CCDC127: variants seen among roughly 807,000 people sequenced by gnomAD.
CCDC127 encodes coiled-coil domain containing 127.
A neutral mutation model predicts 4.1 loss-of-function variants in CCDC127; 2 were observed. The ratio of observed to expected loss-of-function variants is 0.49; its 90% CI spans 0.20 to 1.53. The LOEUF is 1.53. CCDC127 is among the 40% of genes most tolerant of loss of function. The pLI, the probability that CCDC127 is intolerant of heterozygous loss-of-function variation, is 0.23. For missense variants in CCDC127, 271 were observed against 322.9 expected (o/e 0.84, Z 1.23); for synonymous variants, 98 against 120.4 (o/e 0.81, Z 1.22).
At chr5:216,207 C>T (rs72720502) in intron 2 of CCDC127, 11,057 of 161,360 alleles carry the variant, frequency 0.069, 659 homozygotes, top group Non-Finnish European at 0.088. Context: ...TGCACCGTCA[C>T]GACTTGCTAA....
rs1430453513 is a variant in CCDC127, at chr5:197,833, C to G, written c.*7464G>C. The G allele has an allele frequency of 1.3e-5, 2 of 149,234 alleles. No homozygotes were observed. The highest frequency in any genetic ancestry group is 3.9e-4 in the East Asian group (2 of 5,122). The allele number at this position is 149,234 out of a possible 1,614,324, so 9.2% of individuals were successfully genotyped here. On this transcript the variant is annotated 3_prime_UTR_variant, in exon 3 of 3. Coordinates refer to ENST00000296824, the MANE Select transcript of CCDC127 (RefSeq NM_145265.3). The stretch of plus-strand genomic sequence containing the variant: ...GAGTGTGTCCCCACCCCAGTGGTCC[C>G]TGTGTCACCCCCTCCCCGAGTGTGT...
chr5:207,082 C>T (rs114876982), intron 2 of CCDC127, among the ~76,000 whole-genome samples: 2,331 of 152,216 alleles, frequency 0.015, 57 homozygotes, highest in African/African-American at 0.053. Flanking sequence ...TATTTTCTCC[C>T]GGGTCATTAA....
At position 203,412 on chromosome 5, in the gene CCDC127, C is replaced by T. The variant is rs11742839; in HGVS notation, c.*1885G>A. 0.11 allele frequency: 16,506 copies of T among 152,136 alleles called. 1,077 individuals carry two copies. The highest frequency in any genetic ancestry group is 0.13 in the Non-Finnish European group (8,509 of 68,004). The allele number at this position is 152,136 out of a possible 1,614,324, so 9.4% of individuals were successfully genotyped here. A position where few individuals can be genotyped will look rare whatever the true frequency, so the allele number is the denominator to read the frequency against. On this transcript the variant is annotated 3_prime_UTR_variant, in exon 3 of 3. Coordinates refer to ENST00000296824, the MANE Select transcript of CCDC127 (RefSeq NM_145265.3). The stretch of plus-strand genomic sequence containing the variant: ...AGCACCCTTAGCAGGGCGTGGGTGC[C>T]GAGAGCAGAGCATGGCAGGGGGCCC...
At chr5:213,237 G>T (rs375725769) in intron 2 of CCDC127, among the ~76,000 whole-genome samples, 57 of 67,680 alleles carry the variant, frequency 8.4e-4, no homozygotes, top group African/African-American at 1.3e-3. Context: ...TGGGGCAGAC[G>T]GGACAGCAGT....
chr5:205,521 C>G lies in CCDC127; in HGVS notation c.559G>C (p.Glu187Gln), dbSNP rs1255884307. The change falls in exon 3 of 3, where the codon GAG (glutamate) becomes CAG (glutamine). Residue 187 changes from glutamate to glutamine, a missense_variant. Coordinates refer to ENST00000296824, the MANE Select transcript of CCDC127 (RefSeq NM_145265.3). Reference protein sequence around the residue: ...FLPRSKRLEIEKSLLVRASVD... With the variant: ...FLPRSKRLEIQKSLLVRASVD... ...GACGCTCGCACCAGTAAGCTCTTCT[C>G]TATCTCCAGCCGCTTGCTGCGAGGA... is the stretch of plus-strand genomic sequence containing the variant. 6.2e-7 allele frequency: 1 copy of G among 1,613,870 alleles called. No individual in the cohort carries two copies. Among genetic ancestry groups the G allele is most frequent in the Admixed American group, 1.7e-5 (1 of 60,006 alleles).
chr5:207,918 T>C (rs73029482), intron 2 of CCDC127, among the ~76,000 whole-genome samples: 14,575 of 151,972 alleles, frequency 0.096, 2,271 homozygotes, highest in African/African-American at 0.33. Flanking sequence ...ACACAGACAA[T>C]GACGCACACG....
Position 205,549 on chromosome 5 carries a change from A to T in CCDC127, c.531T>A (p.Phe177Leu). 1 of 1,614,178 alleles carries T rather than the reference A, an allele frequency of 6.2e-7. No homozygotes were observed. ...TERQNIYCSL[F>L]LPRSKRLEIE... ...TCTCCAGCCGCTTGCTGCGAGGAAG[A>T]AACAGACTGCAGTAGATATTCTGTC... The change falls in exon 3 of 3, where the codon TTT (phenylalanine) becomes TTA (leucine). Residue 177 changes from phenylalanine to leucine, a missense_variant. By Grantham distance (22) the Phe-to-Leu change is conservative. Around this residue, in one of 2 missense-constraint regions of CCDC127, gnomAD observed 265 missense variants for 270.9 expected, o/e 0.98. Transcript: ENST00000296824.
chr5:208,218 G>C (rs549254745), intron 2 of CCDC127, among the ~76,000 whole-genome samples: 4 of 152,174 alleles, frequency 2.6e-5, no homozygotes, highest in Admixed American at 1.3e-4. Flanking sequence ...TGTAAAACAA[G>C]ATGACTCTGA....
intron 2 of CCDC127, chr5:213,794 A>T (rs1200692697): frequency 6.6e-6 from 1 of 152,210 alleles, no homozygotes; most frequent in Non-Finnish European, 1.5e-5. Context: ...AGCCCTTCTT[A>T]AAAAACTAAA....
Position 213,148 on chromosome 5 carries a change from G to A in CCDC127, c.121+3581C>T, listed in dbSNP as rs1268879200. 3.2e-4 allele frequency among the ~76,000 whole-genome samples: 25 copies of A among 78,908 alleles called. 2 individuals are homozygous for A. The highest frequency in any genetic ancestry group is 1.7e-3 in the African/African-American group (20 of 11,992). 51.8% of individuals were successfully genotyped at this position (78,908 alleles called of 152,430 possible). ...ACACACCCATCACGATGGGGCAGAC[G>A]GGACAGCAGTGTGAGCACACTGATG... is the stretch of plus-strand genomic sequence containing the variant. On this transcript the variant is annotated intron_variant, in intron 2 of 2. Coordinates refer to ENST00000296824, the MANE Select transcript of CCDC127 (RefSeq NM_145265.3).
Position 205,957 on chromosome 5 carries a change from A to T in CCDC127, c.123T>A (p.Arg41=). 6.3e-7 allele frequency: 1 copy of T among 1,597,504 alleles called. No individual in the cohort carries two copies. The highest frequency in any genetic ancestry group is 8.5e-7 in the Non-Finnish European group (1 of 1,171,938). Residue 41 remains arginine, a splice_region_variant and synonymous_variant, in exon 3 of 3, where the codon CGT becomes CGA. Coordinates refer to ENST00000296824, the MANE Select transcript of CCDC127 (RefSeq NM_145265.3). ...TCTGGGACTCCCTAGACCAAATCCAACCTGACATGAATGAAGAAAAATACA... is the reference window on the plus strand; with the variant it reads ...TCTGGGACTCCCTAGACCAAATCCATCCTGACATGAATGAAGAAAAATACA... ...LVPMLGLAAF[R]WIWSRESQKE... is the part of the protein sequence containing the mutation.
At chr5:208,568 A>G (rs6896290) in intron 2 of CCDC127, among the ~76,000 whole-genome samples, 14,975 of 152,110 alleles carry the variant, frequency 0.098, 2,388 homozygotes, top group African/African-American at 0.33. Flanking sequence ...AGCAGCAAAC[A>G]CAGGGTGGGG....
In CCDC127 at chr5:197,198, C is replaced by A. The variant is rs962574716; in HGVS notation, c.*8099G>T. 2 of 152,228 alleles carry A rather than the reference C, an allele frequency of 1.3e-5. No individual in the cohort carries two copies. Among genetic ancestry groups the A allele is most frequent in the African/African-American group, 4.8e-5 (2 of 41,438 alleles). The allele number at this position is 152,228 out of a possible 1,614,324, so 9.4% of individuals were successfully genotyped here. A position where few individuals can be genotyped will look rare whatever the true frequency, so the allele number is the denominator to read the frequency against. On this transcript the variant is annotated 3_prime_UTR_variant, in exon 3 of 3. Transcript: ENST00000296824. ...ACATGTCTCGCCTCCCGCCACAAGG[C>A]GGCTTTTCTCCTGTCTCAGAGTTGA...
rs1366103712 is a variant in CCDC127, at chr5:204,468, T to C, written c.*829A>G. The C allele has an allele frequency of 2.0e-5, 3 of 152,164 alleles. No individual in the cohort carries two copies. Among genetic ancestry groups the C allele is most frequent in the Admixed American group, 2.0e-4 (3 of 15,280 alleles). 9.4% of individuals were successfully genotyped at this position (152,164 alleles called of 1,614,324 possible). Reference sequence around the variant, plus strand: ...TTGGCTGTGGTAAACAATGAGATAATACATATAAAAATATTTTGTAAAGAG... The same window carrying C: ...TTGGCTGTGGTAAACAATGAGATAACACATATAAAAATATTTTGTAAAGAG... On this transcript the variant is annotated 3_prime_UTR_variant, in exon 3 of 3. Coordinates refer to ENST00000296824, the MANE Select transcript of CCDC127 (RefSeq NM_145265.3).
chr5:206,204 TAAG>T (rs1471547750), intron 2 of CCDC127, among the ~76,000 whole-genome samples: 2 of 76,904 alleles, frequency 2.6e-5, no homozygotes, highest in East Asian at 2.1e-4. Context: ...TGTTTGTTGC[TAAG>T]AAGATCTACC....
rs909693200 is a variant in CCDC127 at position 200,017 on chromosome 5, T to C, written c.*5280A>G. 5 of 152,160 alleles carry C rather than the reference T, an allele frequency of 3.3e-5. No homozygotes were observed. The highest frequency in any genetic ancestry group is 1.2e-4 in the African/African-American group (5 of 41,420). 9.4% of individuals were successfully genotyped at this position (152,160 alleles called of 1,614,324 possible). A position where few individuals can be genotyped will look rare whatever the true frequency, so the allele number is the denominator to read the frequency against. On this transcript the variant is annotated 3_prime_UTR_variant, in exon 3 of 3. Transcript: ENST00000296824. ...AGGTGAGGGAGATCTGCTTTCCCCATGGGGTTGGGGCGGCCATGCTGGCAC... is the reference window on the plus strand; with the variant it reads ...AGGTGAGGGAGATCTGCTTTCCCCACGGGGTTGGGGCGGCCATGCTGGCAC...
intron 2 of CCDC127, among the ~76,000 whole-genome samples, chr5:206,225 G>A (rs569656788): frequency 1.3e-5 from 1 of 75,572 alleles, no homozygotes; most frequent in African/African-American, 1.0e-4. Context: ...ACCACCATTT[G>A]CCTGCTCCGG....
chr5:205,372 G>C lies in CCDC127; in HGVS notation c.708C>G (p.Leu236=), dbSNP rs180979356. The change falls in exon 3 of 3, where the codon CTC becomes CTG. Residue 236 remains leucine, a synonymous_variant. Coordinates refer to ENST00000296824, the MANE Select transcript of CCDC127 (RefSeq NM_145265.3). ...NKRQNGRLMW[L]YLKYWELVVE... is the part of the protein sequence containing the mutation. ...CAACGAGTTCCCAGTATTTGAGATAGAGCCACATGAGTCTGCCATTCTGGC... is the reference window on the plus strand; with the variant it reads ...CAACGAGTTCCCAGTATTTGAGATACAGCCACATGAGTCTGCCATTCTGGC... The C allele has an allele frequency of 2.5e-6, 4 of 1,614,188 alleles. No individual in the cohort carries two copies. The highest frequency in any genetic ancestry group is 3.3e-5 in the Admixed American group (2 of 60,032).
intron 1 of CCDC127, 142 bp from the exon 2 acceptor site, chr5:217,001 G>C (rs1237365167): frequency 1.9e-6 from 1 of 533,760 alleles, no homozygotes; most frequent in Admixed American, 3.2e-5. Flanking sequence ...CATGGTGGCG[G>C]GCACCTGTAG....
Sources: allele counts gnomAD v4.1 joint callset (sites outside exome capture counted in the v4.1 genomes callset), GRCh38; gene constraint gnomAD v4.1.1; regional missense constraint gnomAD v4.1.1; transcripts MANE v1.5; gene names NCBI Gene and HGNC (gene_info 2026-07-23, HGNC 2026-07-21).